OGDH: variants seen among roughly 807,000 people sequenced by gnomAD.
OGDH encodes the protein oxoglutarate dehydrogenase, also known as 2-oxoglutarate dehydrogenase complex component E1.
In OGDH, 38 loss-of-function variants were observed where a neutral mutation model predicts 116.6. The ratio of observed to expected loss-of-function variants is 0.33; its 90% CI spans 0.25 to 0.43. OGDH has a LOEUF of 0.43. Among genes scored for constraint, OGDH ranks in the 20% least tolerant of loss-of-function variants. The pLI is 1.00. For missense variants in OGDH, 825 were observed against 1,357.2 expected (o/e 0.61, Z 6.16); for synonymous variants, 488 against 533.3 (o/e 0.92, Z 1.17).
At chr7:44,636,666 C>G (rs1785684675) in intron 2 of OGDH, among the ~76,000 whole-genome samples, 2 of 152,216 alleles carry the variant, frequency 1.3e-5, no homozygotes, top group Admixed American at 1.3e-4. Flanking sequence ...AGAAAGAGCA[C>G]TGGTCACTGT....
chr7:44,677,060 A>G (rs1787733897), intron 9 of OGDH, among the ~76,000 whole-genome samples: 1 of 152,148 alleles, frequency 6.6e-6, no homozygotes, highest in Admixed American at 6.6e-5. Flanking sequence ...GTCTCAACAG[A>G]TTGTAACAAT....
At chr7:44,611,457 A>G (rs1784563549) in intron 1 of OGDH, among the ~76,000 whole-genome samples, 1 of 150,246 alleles carries the variant, frequency 6.7e-6, no homozygotes. Context: ...TGTATTTTTT[A>G]GTAGAGACGG....
chr7:44,675,889 A>T, intron 8 of OGDH, 81 bp from the exon 9 acceptor site: 1 of 1,502,532 alleles, frequency 6.7e-7, no homozygotes, highest in Non-Finnish European at 9.0e-7. Context: ...AAAAAAAAAA[A>T]AAAATTCCCG....
chr7:44,608,436 C>G (rs74874681), intron 1 of OGDH, among the ~76,000 whole-genome samples: 1 of 151,812 alleles, frequency 6.6e-6, no homozygotes, highest in African/African-American at 2.4e-5. Flanking sequence ...CAGTGGCTCA[C>G]GCCTGTAATC....
chr7:44,620,338 G>C (rs900343620), intron 1 of OGDH, among the ~76,000 whole-genome samples: 1 of 152,170 alleles, frequency 6.6e-6, no homozygotes, highest in African/African-American at 2.4e-5. Flanking sequence ...TTATTTTGAT[G>C]AAATCCAATT....
At chr7:44,669,145 CTTTTTT>C (rs869250474) in intron 5 of OGDH, among the ~76,000 whole-genome samples, 12 of 77,806 alleles carry the variant, frequency 1.5e-4, no homozygotes, top group East Asian at 5.3e-4. Flanking sequence ...AGCCCGGCAG[CTTTTTT>C]TTTTTTTTTT....
At chr7:44,640,301 G>A (rs1268066528) in intron 2 of OGDH, among the ~76,000 whole-genome samples, 4 of 152,136 alleles carry the variant, frequency 2.6e-5, no homozygotes, top group African/African-American at 9.7e-5. Flanking sequence ...CCTGGTGACT[G>A]CTGTGTGTAA....
At chr7:44,696,603 AG>A in intron 14 of OGDH, 46 bp downstream of exon 14, 1 of 1,611,350 alleles carries the variant, frequency 6.2e-7, no homozygotes, top group East Asian at 2.2e-5. Context: ...GGCCCAGGCC[AG>A]GGGCGACGAC....
chr7:44,661,398 ACTTTTCTCATAAT>A (rs1223454043), intron 4 of OGDH, among the ~76,000 whole-genome samples: 1 of 151,792 alleles, frequency 6.6e-6, no homozygotes, highest in Non-Finnish European at 1.5e-5. Flanking sequence ...ATATTTATCC[ACTTTTCTCATAAT>A]CTCTGTCTTC....
At chr7:44,665,784 T>G (rs1026435109) in intron 4 of OGDH, among the ~76,000 whole-genome samples, 2 of 152,238 alleles carry the variant, frequency 1.3e-5, no homozygotes, top group African/African-American at 4.8e-5. Flanking sequence ...TGCTTTTTGC[T>G]GTACTCTAGC....
At chr7:44,627,595 CAT>C (rs1484934945) in intron 2 of OGDH, among the ~76,000 whole-genome samples, 4 of 152,224 alleles carry the variant, frequency 2.6e-5, no homozygotes, top group Non-Finnish European at 5.9e-5. Context: ...GGACTAAACT[CAT>C]ATAGCAGAAA....
At chr7:44,647,810 C>T (rs1442549732) in intron 4 of OGDH, 51 bp downstream of exon 4, 3 of 1,403,320 alleles carry the variant, frequency 2.1e-6, no homozygotes, top group East Asian at 2.3e-5. Context: ...TCTCGCTGTG[C>T]CACGACCTGT....
At chr7:44,706,294 CAG>C (rs1198095925) in intron 20 of OGDH, among the ~76,000 whole-genome samples, 1 of 151,428 alleles carries the variant, frequency 6.6e-6, no homozygotes, top group East Asian at 1.9e-4. Context: ...GCAGCAGAAA[CAG>C]AGTAAACATG....
chr7:44,639,983 G>A (rs1339568815), intron 2 of OGDH, among the ~76,000 whole-genome samples: 1 of 152,194 alleles, frequency 6.6e-6, no homozygotes, highest in Non-Finnish European at 1.5e-5. Flanking sequence ...ATCACCTGGA[G>A]TTGTATTCCA....
At chr7:44,636,626 T>C (rs1785682300) in intron 2 of OGDH, among the ~76,000 whole-genome samples, 1 of 152,224 alleles carries the variant, frequency 6.6e-6, no homozygotes, top group Non-Finnish European at 1.5e-5. Context: ...CTGAGGATAC[T>C]GTTTCTAGCC....
intron 4 of OGDH, among the ~76,000 whole-genome samples, chr7:44,655,606 CA>C (rs770925059): frequency 1.4e-4 from 21 of 152,236 alleles, no homozygotes; most frequent in Non-Finnish European, 2.6e-4. Context: ...CCCAGGCCCA[CA>C]AGCCCAGACA....
intron 20 of OGDH, among the ~76,000 whole-genome samples, chr7:44,704,791 A>G (rs143619823): frequency 0.04 from 6,067 of 151,624 alleles, 153 homozygotes; most frequent in Middle Eastern, 0.099. Context: ...GCTCACTGCA[A>G]CCTCTGCCTC....
At chr7:44,616,847 G>GTATATATATACACATATATATATACGTA (rs1784819040) in intron 1 of OGDH, among the ~76,000 whole-genome samples, 2 of 122,170 alleles carry the variant, frequency 1.6e-5, no homozygotes, top group Non-Finnish European at 3.3e-5. Flanking sequence ...ACATATACGT[G>GTATATATATACACATATATATATACGTA]TATATATATA....
intron 9 of OGDH, 114 bp from the exon 10 acceptor site, chr7:44,681,606 G>C (rs1264324769): frequency 2.2e-5 from 31 of 1,428,660 alleles, no homozygotes; most frequent in Non-Finnish European, 2.9e-5. Flanking sequence ...TTCTATGTTT[G>C]AAATTATCTC....
Sources: allele counts gnomAD v4.1 joint callset (sites outside exome capture counted in the v4.1 genomes callset), GRCh38; gene constraint gnomAD v4.1.1; transcripts MANE v1.5; gene names NCBI Gene and HGNC (gene_info 2026-07-23, HGNC 2026-07-21).